The following DHRSX variants were observed in gnomAD, a reference collection of about 807,000 sequenced individuals.
DHRSX encodes the protein polyprenol dehydrogenase.
DHRSX carries 31 observed loss-of-function variants against 34.0 expected under a neutral mutation model. That is an observed-to-expected ratio of 0.91 (90% CI 0.69 to 1.23). The LOEUF (loss-of-function observed/expected upper bound fraction) is 1.23. Among genes scored for constraint, DHRSX ranks in the 50% most tolerant of loss-of-function variants. DHRSX has a pLI of 0.00. For missense variants in DHRSX, 414 were observed against 428.1 expected (o/e 0.97, Z 0.29); for synonymous variants, 201 against 183.8 (o/e 1.09, Z -0.76).
chrX:2,268,395 GTATC>G (rs1467345672), intron 4 of DHRSX, among the ~76,000 whole-genome samples: 1 of 152,120 alleles, frequency 6.6e-6, no homozygotes, highest in Non-Finnish European at 1.5e-5. Context: ...CTGGAATTCT[GTATC>G]TATCTACACG....
At chrX:2,301,122 T>C (rs1265515472) in intron 3 of DHRSX, among the ~76,000 whole-genome samples, 1 of 152,138 alleles carries the variant, frequency 6.6e-6, no homozygotes, top group Non-Finnish European at 1.5e-5. Flanking sequence ...TAGTAAGAAA[T>C]AAAAAAGCAG....
At chrX:2,325,069 C>T (rs979400677) in intron 3 of DHRSX, among the ~76,000 whole-genome samples, 1 of 151,906 alleles carries the variant, frequency 6.6e-6, no homozygotes. Flanking sequence ...CCACTGCGCC[C>T]GGCAGCTTTT....
At chrX:2,426,333 G>C (rs2043845854) in intron 1 of DHRSX, among the ~76,000 whole-genome samples, 1 of 151,978 alleles carries the variant, frequency 6.6e-6, no homozygotes, top group African/African-American at 2.4e-5. Flanking sequence ...CCTTCCACTT[G>C]TCCTCCCTTC....
intron 2 of DHRSX, among the ~76,000 whole-genome samples, chrX:2,409,653 T>C (rs967132400): frequency 6.6e-5 from 10 of 152,210 alleles, no homozygotes; most frequent in South Asian, 2.1e-4. Context: ...AAGAGGTGTT[T>C]TGCTTGTTAT....
chrX:2,355,381 G>A (rs1282587967), intron 3 of DHRSX, among the ~76,000 whole-genome samples: 5 of 151,670 alleles, frequency 3.3e-5, no homozygotes, highest in South Asian at 2.1e-4. Context: ...GCGTTGTGGC[G>A]CATGCCTGTA....
chrX:2,275,720 C>T (rs983009097), intron 4 of DHRSX, among the ~76,000 whole-genome samples: 7 of 151,390 alleles, frequency 4.6e-5, no homozygotes, highest in South Asian at 2.1e-4. Flanking sequence ...TTCTGGGAGG[C>T]GGAGATTGCA....
At chrX:2,258,349 A>G (rs2041308368) in intron 5 of DHRSX, among the ~76,000 whole-genome samples, 1 of 152,148 alleles carries the variant, frequency 6.6e-6, no homozygotes, top group South Asian at 2.1e-4. Flanking sequence ...AGGAGGAACC[A>G]GCCCTGCCCA....
intron 3 of DHRSX, among the ~76,000 whole-genome samples, chrX:2,398,046 T>G (rs2043436607): frequency 6.6e-6 from 1 of 151,634 alleles, no homozygotes; most frequent in Admixed American, 6.6e-5. Context: ...GCCAACAGGC[T>G]GATATATTCA....
intron 3 of DHRSX, among the ~76,000 whole-genome samples, chrX:2,355,557 CT>C (rs1298730265): frequency 7.9e-6 from 1 of 127,272 alleles, no homozygotes; most frequent in African/African-American, 2.8e-5. Flanking sequence ...ACTATCATTA[CT>C]TTTAATGGCA....
At position 2,266,933 on chromosome X, in the gene DHRSX, C is replaced by G; in HGVS notation, c.403G>C (p.Val135Leu). The change falls in exon 5 of 7, where the codon GTC becomes CTC. Residue 135 changes from valine to leucine, a missense_variant. Transcript: ENST00000334651. ...CCATCTCTGGTTTTCCTCTGAGGGA[C>G]CATCATCACCCCAGCTGGACAAAAG... ...VLINNAGVMMVPQRKTRDGFE... is the reference protein window; with the variant it reads ...VLINNAGVMMLPQRKTRDGFE... The G allele has an allele frequency of 6.2e-7, 1 of 1,613,954 alleles. No homozygotes were observed. The highest frequency in any genetic ancestry group is 8.5e-7 in the Non-Finnish European group (1 of 1,179,856).
chrX:2,311,725 A>G (rs1331094340), intron 3 of DHRSX, among the ~76,000 whole-genome samples: 1 of 152,148 alleles, frequency 6.6e-6, no homozygotes, highest in Non-Finnish European at 1.5e-5. Flanking sequence ...GTCTCCAAGG[A>G]GGTAAATCGT....
chrX:2,234,688 C>T (rs2015973311), intron 6 of DHRSX, among the ~76,000 whole-genome samples: 1 of 152,274 alleles, frequency 6.6e-6, no homozygotes, highest in East Asian at 1.9e-4. Flanking sequence ...AAACACTGCA[C>T]GTTTCCACTT....
intron 1 of DHRSX, among the ~76,000 whole-genome samples, chrX:2,491,019 G>A (rs2045124502): frequency 2.0e-5 from 3 of 151,960 alleles, no homozygotes; most frequent in East Asian, 3.9e-4. Flanking sequence ...ACAGGTTTGC[G>A]AGTGAGCACG....
At chrX:2,380,710 C>G (rs947224866) in intron 3 of DHRSX, among the ~76,000 whole-genome samples, 1 of 152,076 alleles carries the variant, frequency 6.6e-6, no homozygotes, top group Non-Finnish European at 1.5e-5. Flanking sequence ...GGCATTCCCC[C>G]CTTGCTCTCT....
At chrX:2,373,994 T>C (rs1404972816) in intron 3 of DHRSX, among the ~76,000 whole-genome samples, 3 of 152,170 alleles carry the variant, frequency 2.0e-5, no homozygotes, top group African/African-American at 7.2e-5. Flanking sequence ...CATAGCAAGT[T>C]TGAGAAACAG....
intron 3 of DHRSX, among the ~76,000 whole-genome samples, chrX:2,314,181 G>C (rs73628294): frequency 0.068 from 7,037 of 103,518 alleles, 629 homozygotes; most frequent in African/African-American, 0.2. Context: ...GGGACGGAAG[G>C]AAGGAGGGAA....
intron 3 of DHRSX, among the ~76,000 whole-genome samples, chrX:2,340,210 T>C (rs1270661832): frequency 6.6e-6 from 1 of 150,504 alleles, no homozygotes; most frequent in Non-Finnish European, 1.5e-5. Context: ...GCTAGGGGAG[T>C]GATAGTATTA....
At chrX:2,399,725 C>CAAAAAAAAAAAAAAA (rs779558142) in intron 3 of DHRSX, among the ~76,000 whole-genome samples, 79 of 35,114 alleles carry the variant, frequency 2.2e-3, no homozygotes, top group South Asian at 4.3e-3. Context: ...AAACAAAAAG[C>CAAAAAAAAAAAAAAA]AAAAAAAAAA....
intron 3 of DHRSX, among the ~76,000 whole-genome samples, chrX:2,345,734 C>A (rs1432026467): frequency 6.6e-6 from 1 of 151,836 alleles, no homozygotes; most frequent in Non-Finnish European, 1.5e-5. Flanking sequence ...TGGGCCTGGT[C>A]CAATCAGTTG....
Sources: gnomAD v4.1 joint callset for allele counts (sites outside exome capture counted in the v4.1 genomes callset) on GRCh38, gnomAD v4.1.1 for gene constraint, MANE v1.5 for transcripts, NCBI Gene and HGNC (gene_info 2026-07-23, HGNC 2026-07-21) for gene names.